The following INPP5J variants were observed in gnomAD, a reference collection of about 807,000 sequenced individuals.
INPP5J encodes the protein phosphatidylinositol 4,5-bisphosphate 5-phosphatase A.
Under a neutral mutation model 86.6 loss-of-function variants are expected in INPP5J, and 75 were observed. That is an observed-to-expected ratio of 0.87 (90% CI 0.72 to 1.05). The LOEUF is 1.05. Ranked by LOEUF, INPP5J falls within the 50% of genes least tolerant of loss-of-function variation. INPP5J has a pLI of 0.00. For synonymous variants in INPP5J, 540 were observed against 550.0 expected, an observed-to-expected ratio of 0.98 and a Z score of 0.25; for missense variants, 1,229 against 1,341.2, an observed-to-expected ratio of 0.92 and a Z score of 1.31.
intron 9 of INPP5J, among the ~76,000 whole-genome samples, chr22:31,129,247 T>C (rs1420796118): frequency 2.2e-5 from 3 of 139,448 alleles, no homozygotes; most frequent in Non-Finnish European, 3.1e-5. Context: ...TTTTTTTTTT[T>C]TTTTTTCTTT....
Position 31,128,540 on chromosome 22 carries a change from C to T in INPP5J, c.2079C>T (p.Pro693=), listed in dbSNP as rs372373768. Residue 693 remains proline, a synonymous_variant, in exon 9 of 13, where the codon CCC becomes CCT. Transcript: ENST00000331075. The part of the protein sequence containing the change: ...LWKVKAPGGG[P]SPSGRKSHRL... ...AGGTCAAGGCTCCAGGTGGGGGTCC[C>T]AGCCCCTCAGGACGGAAGAGCCACC... 13 of 1,613,472 alleles carry T rather than the reference C, an allele frequency of 8.1e-6. No individual in the cohort carries two copies. The African/African-American group carries it at 1.5e-4, about 18-fold the overall frequency.
intron 6 of INPP5J, 113 bp from the exon 7 acceptor site, chr22:31,127,838 C>A: frequency 1.4e-6 from 1 of 714,786 alleles, no homozygotes; most frequent in Non-Finnish European, 2.5e-6. Context: ...CCACTCACTA[C>A]ATCCCCTCGG....
intron 9 of INPP5J, among the ~76,000 whole-genome samples, chr22:31,131,488 G>A (rs986919305): frequency 5.3e-5 from 8 of 151,996 alleles, no homozygotes; most frequent in African/African-American, 1.9e-4. Context: ...GCTTGAACCC[G>A]GGAGGCGGAG....
chr22:31,133,259 C>T (rs752353249), intron 10 of INPP5J, 24 bp downstream of exon 10: 19 of 1,603,922 alleles, frequency 1.2e-5, no homozygotes, highest in East Asian at 2.2e-5. Context: ...TGGTGGTCAG[C>T]GACTCAGGGA....
At chr22:31,128,849 C>T (rs1921771783) in intron 9 of INPP5J, among the ~76,000 whole-genome samples, 195 bp downstream of exon 9, 1 of 152,028 alleles carries the variant, frequency 6.6e-6, no homozygotes, top group African/African-American at 2.4e-5. Flanking sequence ...GCATCACCTG[C>T]CCAGGGTCAC....
In INPP5J at chr22:31,125,827, C is replaced by T. The variant is rs757505804; in HGVS notation, c.1088C>T (p.Pro363Leu). ...TCCCCGAATCGCTCTCCCTGTGTTC[C>T]CCCAGCCCCTGACATGGCCCTCCCA... ...SHSPNRSPCV[P>L]PAPDMALPRL... is the part of the protein sequence containing the mutation. The change falls in exon 2 of 13, where the codon CCC becomes CTC. Residue 363 changes from proline to leucine, a missense_variant. By Grantham distance (98) the Pro-to-Leu change is moderately conservative. Coordinates refer to ENST00000331075, the MANE Select transcript of INPP5J (RefSeq NM_001284285.2). 3 of 1,604,488 alleles carry T rather than the reference C, an allele frequency of 1.9e-6. No individual in the cohort carries two copies. Among genetic ancestry groups the T allele is most frequent in the Non-Finnish European group, 1.7e-6 (2 of 1,175,332 alleles).
Position 31,128,648 on chromosome 22 carries a change from C to T in INPP5J, c.2187C>T (p.Leu729=). 6.3e-7 allele frequency: 1 copy of T among 1,581,242 alleles called. No homozygotes were observed. Among genetic ancestry groups the T allele is most frequent in the African/African-American group, 1.3e-5 (1 of 74,174 alleles). The part of the protein sequence containing the change: ...SDHKPVAAQF[L]LQFAFRDDMP... ...ACAAGCCTGTGGCTGCCCAGTTCCT[C>T]CTGCAGGTGAGTTCTGGCCTCATCC... The change falls in exon 9 of 13, where the codon CTC becomes CTT. Residue 729 remains leucine, a synonymous_variant. Coordinates refer to ENST00000331075, the MANE Select transcript of INPP5J (RefSeq NM_001284285.2).
intron 9 of INPP5J, among the ~76,000 whole-genome samples, chr22:31,132,679 C>T (rs1181815446): frequency 6.6e-6 from 1 of 151,072 alleles, no homozygotes; most frequent in African/African-American, 2.4e-5. Context: ...GTGGAGGTTG[C>T]AGTGAGCCGA....
In INPP5J at chr22:31,125,119, C is replaced by G; in HGVS notation, c.380C>G (p.Ala127Gly). 6.5e-7 allele frequency: 1 copy of G among 1,549,978 alleles called. No homozygotes were observed. Among genetic ancestry groups the G allele is most frequent in the Non-Finnish European group, 8.7e-7 (1 of 1,146,958 alleles). The change falls in exon 2 of 13, where the codon GCG becomes GGG. Residue 127 changes from alanine (A) to glycine (G), a missense_variant. Coordinates refer to ENST00000331075, the MANE Select transcript of INPP5J (RefSeq NM_001284285.2). ...SASAGPKPPP[A>G]TTGSVLAPTS... is the part of the protein sequence containing the mutation. Reference sequence around the variant, plus strand: ...TCAGCTGGACCAAAGCCTCCCCCAGCGACCACAGGCTCAGTTCTGGCTCCG... The same window carrying G: ...TCAGCTGGACCAAAGCCTCCCCCAGGGACCACAGGCTCAGTTCTGGCTCCG...
Position 31,134,265 on chromosome 22 carries a change from G to A in INPP5J, c.2867G>A (p.Arg956Gln), listed in dbSNP as rs779142227. The change falls in exon 13 of 13, where the codon CGA (arginine) becomes CAA (glutamine). Residue 956 changes from arginine to glutamine, a missense_variant. Physicochemically the swap from Arg to Gln is conservative, Grantham distance 43. Coordinates refer to ENST00000331075, the MANE Select transcript of INPP5J (RefSeq NM_001284285.2). The stretch of plus-strand genomic sequence containing the variant: ...TGGGCCTTCCCACCAGCTGTGCCTC[G>A]AAGCCTGGGCCTGTTGCCCGCCTTG... ...GPWAFPPAVP[R>Q]SLGLLPALRL... 4.5e-6 allele frequency: 7 copies of A among 1,551,974 alleles called. No homozygotes were observed. Among genetic ancestry groups the A allele is most frequent in the East Asian group, 2.4e-5 (1 of 41,070 alleles).
At position 31,128,230 on chromosome 22, in the gene INPP5J, A is replaced by G. The variant is rs1272569951; in HGVS notation, c.1916A>G (p.Asn639Ser). 1.3e-6 allele frequency: 2 copies of G among 1,596,552 alleles called. No individual in the cohort carries two copies. Among genetic ancestry groups the G allele is most frequent in the East Asian group, 2.3e-5 (1 of 44,132 alleles). Residue 639 changes from asparagine (N) to serine (S), a missense_variant, in exon 8 of 13, where the codon AAC becomes AGC. By Grantham distance (46) the Asn-to-Ser change is conservative. Coordinates refer to ENST00000331075, the MANE Select transcript of INPP5J (RefSeq NM_001284285.2). ...WEKDQLNMAK[N>S]TWPILKGFQE... ...CCCCCACAGCTCAACATGGCCAAGA[A>G]CACCTGGCCCATTCTGAAGGGCTTT...
chr22:31,127,060 AAG>A, intron 5 of INPP5J, 23 bp downstream of exon 5: 1 of 1,492,780 alleles, frequency 6.7e-7, no homozygotes, highest in Non-Finnish European at 9.2e-7. Context: ...GCAGGCCCAG[AAG>A]AGGATGGGAC....
At position 31,133,080 on chromosome 22, in the gene INPP5J, C is replaced by T. The variant is rs747470817; in HGVS notation, c.2194-18C>T. On this transcript the variant is annotated intron_variant, in intron 9 of 12. Coordinates refer to ENST00000331075, the MANE Select transcript of INPP5J (RefSeq NM_001284285.2). The stretch of plus-strand genomic sequence containing the variant: ...GTCTCCCCTGATGTGGCCCCCTGCC[C>T]CTGCCTTGCCTGGACAGTTTGCCTT... The T allele has an allele frequency of 1.9e-5, 30 of 1,555,234 alleles. No homozygotes were observed. In the East Asian group the frequency reaches 2.9e-4, roughly 15 times the overall value.
At position 31,125,445 on chromosome 22, in the gene INPP5J, A is replaced by T. The variant is rs755143551; in HGVS notation, c.706A>T (p.Arg236Ter). 1.7e-5 allele frequency: 27 copies of T among 1,550,546 alleles called. No individual in the cohort carries two copies. The Admixed American group carries it at 3.7e-4, about 21-fold the overall frequency. ...GAASVGQTSA[R>*]KRDAPAPRPL... ...AGCCTCTGTGGGACAGACATCAGCT[A>T]GAAAGAGGGATGCCCCAGCCCCTAG... The change falls in exon 2 of 13, where the codon AGA (arginine) becomes TGA (stop). Residue 236 changes from arginine (R) to a stop codon, truncating the protein, a stop_gained. Coordinates refer to ENST00000331075, the MANE Select transcript of INPP5J (RefSeq NM_001284285.2). LOFTEE classifies it high-confidence loss of function.
At position 31,125,007 on chromosome 22, in the gene INPP5J, T is replaced by G. The variant is rs200108828; in HGVS notation, c.268T>G (p.Cys90Gly). The G allele has an allele frequency of 9.1e-4, 1,426 of 1,569,744 alleles. 6 individuals are homozygous for G. The highest frequency in any genetic ancestry group is 7.3e-3 in the Middle Eastern group (44 of 6,010). The change falls in exon 2 of 13, where the codon TGT becomes GGT. Residue 90 changes from cysteine to glycine, a missense_variant. Physicochemically the swap from Cys to Gly is radical, Grantham distance 159. Transcript: ENST00000331075. ...TCCCCGACCAATCCTGGCTCCACTG[T>G]GTACCCCTGAAGGGCAGAAAACAGC... is the stretch of plus-strand genomic sequence containing the variant. ...ASPRPILAPL[C>G]TPEGQKTATA... is the part of the protein sequence containing the mutation.
At chr22:31,122,950 G>A, upstream of INPP5J, 1 of 1,103,682 alleles carries the variant, frequency 9.1e-7, no homozygotes, top group Non-Finnish European at 1.2e-6. Context: ...TGACATCACT[G>A]GTTCCCGGGA....
intron 2 of INPP5J, 28 bp from the exon 3 acceptor site, chr22:31,126,348 C>A: frequency 6.4e-7 from 1 of 1,555,438 alleles, no homozygotes; most frequent in Non-Finnish European, 8.9e-7. Context: ...GGTGCCAGGA[C>A]TACACCCTCA....
chr22:31,131,134 C>T (rs1402475055), intron 9 of INPP5J, among the ~76,000 whole-genome samples: 5 of 152,326 alleles, frequency 3.3e-5, no homozygotes, highest in Non-Finnish European at 4.4e-5. Context: ...AATATCCCCA[C>T]GCTTGGCCTG....
rs766747412 is a variant in INPP5J, at chr22:31,133,640, G to A, written c.2440G>A (p.Gly814Ser). 4 of 1,612,682 alleles carry A rather than the reference G, an allele frequency of 2.5e-6. No homozygotes were observed. The South Asian group carries it at 4.4e-5, about 18-fold the overall frequency. Residue 814 changes from glycine to serine, a missense_variant, in exon 12 of 13, where the codon GGC (glycine) becomes AGC (serine). Gly to Ser is a moderately conservative substitution (Grantham distance 56, BLOSUM62 0). Coordinates refer to ENST00000331075, the MANE Select transcript of INPP5J (RefSeq NM_001284285.2). ...ATTCAGTGAGGAATCACTGCCCAAG[G>A]GCCATGGAGACTTCATCCTGGGCTA... ...VTFSEESLPK[G>S]HGDFILGYYS...
Sources: gnomAD v4.1 joint callset for allele counts (sites outside exome capture counted in the v4.1 genomes callset) on GRCh38, gnomAD v4.1.1 for gene constraint, MANE v1.5 for transcripts, NCBI Gene and HGNC (gene_info 2026-07-23, HGNC 2026-07-21) for gene names.